The following NTM variants were observed in gnomAD, a reference collection of about 807,000 sequenced individuals.
NTM encodes the protein IgLON family member 2.
A neutral mutation model predicts 42.1 loss-of-function variants in NTM; 13 were observed. The observed-to-expected ratio is 0.31, with a 90% CI of 0.20 to 0.49. The LOEUF (loss-of-function observed/expected upper bound fraction) is 0.49, where lower values mean the gene tolerates loss of function less well. Ranked by LOEUF, NTM falls within the 20% of genes least tolerant of loss-of-function variation. NTM has a pLI of 0.99. For synonymous variants in NTM, 187 were observed against 179.2 expected, an observed-to-expected ratio of 1.04 and a Z score of -0.35; for missense variants, 373 against 452.8, an observed-to-expected ratio of 0.82 and a Z score of 1.60.
At chr11:131,416,226 G>T (rs1238018525) in intron 1 of NTM, among the ~76,000 whole-genome samples, 1 of 151,094 alleles carries the variant, frequency 6.6e-6, no homozygotes, top group African/African-American at 2.4e-5. Context: ...TACACCCAAA[G>T]CCAGGGACAT....
chr11:132,321,085 A>G (rs1389410314), intron 7 of NTM, among the ~76,000 whole-genome samples: 5 of 151,878 alleles, frequency 3.3e-5, no homozygotes, highest in East Asian at 1.9e-4. Context: ...AAAAAACAGA[A>G]CAGAAAAACT....
In NTM at chr11:131,578,131, T is replaced by A. The variant is rs1311567633; in HGVS notation, c.82+207243T>A. 3.3e-5 allele frequency among the ~76,000 whole-genome samples: 5 copies of A among 152,296 alleles called. No homozygotes were observed. The East Asian group carries it at 9.6e-4, about 29-fold the overall frequency. On this transcript the variant is annotated intron_variant, in intron 1 of 8. Transcript: ENST00000683400. ...GATGAAGACATAGAGATGACACTTATCAAATTTGTGCATGACATGAAATTG... is the reference window on the plus strand; with the variant it reads ...GATGAAGACATAGAGATGACACTTAACAAATTTGTGCATGACATGAAATTG...
intron 1 of NTM, among the ~76,000 whole-genome samples, chr11:131,772,359 C>A (rs1591737399): frequency 6.6e-6 from 1 of 152,166 alleles, no homozygotes; most frequent in East Asian, 1.9e-4. Flanking sequence ...TGAGATATCA[C>A]CCCTGTGACT....
chr11:132,048,668 C>T (rs2078372191), intron 2 of NTM, among the ~76,000 whole-genome samples: 1 of 152,134 alleles, frequency 6.6e-6, no homozygotes, highest in Non-Finnish European at 1.5e-5. Flanking sequence ...AGTTGAGAAT[C>T]CCAGCACAGG....
rs117992884 is a variant in NTM, at chr11:131,671,312, G to A, written c.83-240252G>A. ...TAGCCTCCCTGGGGCGCTATCTGGC[G>A]TCTATACTCATCCTCCCCGCCCAAC... On this transcript the variant is annotated intron_variant, in intron 1 of 8. Coordinates refer to ENST00000683400, the MANE Select transcript of NTM (RefSeq NM_001352005.2). 910 of 491,660 alleles carry A rather than the reference G, an allele frequency of 1.9e-3. 21 individuals carry two copies. The East Asian group carries it at 0.08, about 43-fold the overall frequency. The allele number at this position is 491,660 out of a possible 1,614,324, so 30.5% of individuals were successfully genotyped here. A position where few individuals can be genotyped will look rare whatever the true frequency, so the allele number is the denominator to read the frequency against.
intron 1 of NTM, among the ~76,000 whole-genome samples, chr11:131,735,201 C>T (rs1270101623): frequency 1.3e-5 from 2 of 152,184 alleles, no homozygotes; most frequent in Non-Finnish European, 2.9e-5. Flanking sequence ...AACTATTTCT[C>T]CTCTGGCTAG....
At chr11:131,921,128 G>T (rs2057158636) in intron 2 of NTM, among the ~76,000 whole-genome samples, 1 of 152,144 alleles carries the variant, frequency 6.6e-6, no homozygotes, top group African/African-American at 2.4e-5. Context: ...GTTGAATTTT[G>T]TCCCATCTCC....
chr11:132,046,807 T>G lies in NTM; in HGVS notation c.168-99475T>G, dbSNP rs1411296262. ...TGAGCACTGGCTTTATCTATCTATC[T>G]GTCTGTCTATCTATCTAACTATCTA... is the stretch of plus-strand genomic sequence containing the variant. On this transcript the variant is annotated intron_variant, in intron 2 of 8. Coordinates refer to ENST00000683400, the MANE Select transcript of NTM (RefSeq NM_001352005.2). 2.0e-5 allele frequency among the ~76,000 whole-genome samples: 3 copies of G among 152,296 alleles called. No individual in the cohort carries two copies. In the East Asian group the frequency reaches 5.8e-4, roughly 29 times the overall value.
At chr11:131,817,235 T>C (rs1395116137) in intron 1 of NTM, among the ~76,000 whole-genome samples, 2 of 152,350 alleles carry the variant, frequency 1.3e-5, no homozygotes, top group East Asian at 1.9e-4. Flanking sequence ...AAGCATATCA[T>C]TGTACTTGTG....
intron 1 of NTM, among the ~76,000 whole-genome samples, chr11:131,642,424 A>C (rs1207347548): frequency 1.3e-5 from 2 of 152,194 alleles, no homozygotes; most frequent in East Asian, 3.8e-4. Flanking sequence ...AACAATATAA[A>C]ACTCCAATAA....
At chr11:132,075,695 C>A (rs1487161800) in intron 2 of NTM, among the ~76,000 whole-genome samples, 1 of 152,110 alleles carries the variant, frequency 6.6e-6, no homozygotes, top group African/African-American at 2.4e-5. Flanking sequence ...ATTCATTTTT[C>A]TAAAGAATTC....
intron 2 of NTM, among the ~76,000 whole-genome samples, chr11:132,139,082 A>G (rs1158020665): frequency 1.3e-5 from 2 of 152,100 alleles, no homozygotes; most frequent in Non-Finnish European, 2.9e-5. Context: ...TCCTTTATGA[A>G]TGGTTGGTCT....
In NTM at chr11:132,069,981, G is replaced by A. The variant is rs371543942; in HGVS notation, c.168-76301G>A. 1.9e-4 allele frequency among the ~76,000 whole-genome samples: 18 copies of A among 93,202 alleles called. No homozygotes were observed. The East Asian group carries it at 3.9e-3, about 20-fold the overall frequency. The allele number at this position is 93,202 out of a possible 152,430, so 61.1% of individuals were successfully genotyped here. ...AGCCAAGTTAACACGTCAAACTGAC[G>A]ATCACAGGTTAGTTAACACGTCACA... is the stretch of plus-strand genomic sequence containing the variant. On this transcript the variant is annotated intron_variant, in intron 2 of 8. Coordinates refer to ENST00000683400, the MANE Select transcript of NTM (RefSeq NM_001352005.2).
At chr11:131,962,420 C>T (rs1180659639) in intron 2 of NTM, among the ~76,000 whole-genome samples, 1 of 152,176 alleles carries the variant, frequency 6.6e-6, no homozygotes. Context: ...GTGATTGGAT[C>T]ATGAGGTTGG....
intron 1 of NTM, among the ~76,000 whole-genome samples, chr11:131,393,993 G>T (rs1392664694): frequency 6.6e-6 from 1 of 152,236 alleles, no homozygotes; most frequent in Non-Finnish European, 1.5e-5. Context: ...TTAATAGGCG[G>T]CTCTGGCAGC....
At chr11:131,832,941 C>A (rs1442329929) in intron 1 of NTM, among the ~76,000 whole-genome samples, 2 of 152,142 alleles carry the variant, frequency 1.3e-5, no homozygotes, top group East Asian at 3.9e-4. Flanking sequence ...AATGAGATTT[C>A]TCCTTTACTA....
chr11:132,176,798 G>A (rs566774185), intron 3 of NTM, among the ~76,000 whole-genome samples: 31 of 131,638 alleles, frequency 2.4e-4, no homozygotes, highest in East Asian at 1.4e-3. Flanking sequence ...GCACAATCTC[G>A]GCTCACTGCA....
chr11:131,767,568 G>A (rs2085318175), intron 1 of NTM, among the ~76,000 whole-genome samples: 1 of 152,158 alleles, frequency 6.6e-6, no homozygotes, highest in African/African-American at 2.4e-5. Flanking sequence ...GGATTTGTGA[G>A]TCATAAGAAA....
chr11:131,674,535 G>A (rs1203701751), intron 1 of NTM, among the ~76,000 whole-genome samples: 4 of 152,206 alleles, frequency 2.6e-5, no homozygotes, highest in South Asian at 4.1e-4. Flanking sequence ...CTGGCCACTC[G>A]CTGGTATCAG....
Sources: gnomAD v4.1 joint callset for allele counts (sites outside exome capture counted in the v4.1 genomes callset) on GRCh38, gnomAD v4.1.1 for gene constraint, MANE v1.5 for transcripts, NCBI Gene and HGNC (gene_info 2026-07-23, HGNC 2026-07-21) for gene names.